PPFIA3: variants seen among roughly 807,000 people sequenced by gnomAD.
The protein encoded by PPFIA3 is liprin-alpha-3.
PPFIA3 carries 26 observed loss-of-function variants against 145.8 expected under a neutral mutation model. That is an observed-to-expected ratio of 0.18 (90% CI 0.13 to 0.25). PPFIA3 has a LOEUF of 0.25. Among genes scored for constraint, PPFIA3 ranks in the 10% least tolerant of loss-of-function variants. PPFIA3 has a pLI of 1.00. For missense variants in PPFIA3, 1,008 were observed against 1,587.8 expected (o/e 0.63, Z 6.21); for synonymous variants, 645 against 661.4 (o/e 0.98, Z 0.38).
intron 16 of PPFIA3, 49 bp downstream of exon 16, chr19:49,138,476 C>A: frequency 7.0e-7 from 1 of 1,426,070 alleles, no homozygotes; most frequent in Non-Finnish European, 9.3e-7. Context: ...GGGGAGAGGT[C>A]AGAGGCAGGG....
chr19:49,147,529 A>T (rs1449583285), intron 23 of PPFIA3, among the ~76,000 whole-genome samples: 2 of 152,054 alleles, frequency 1.3e-5, no homozygotes, highest in African/African-American at 4.8e-5. Flanking sequence ...CTACTAAAAA[A>T]TACAAAAATT....
At chr19:49,126,758 G>A (rs995914995) in intron 1 of PPFIA3, among the ~76,000 whole-genome samples, 1 of 151,910 alleles carries the variant, frequency 6.6e-6, no homozygotes, top group African/African-American at 2.4e-5. Flanking sequence ...GCCTTCTTAA[G>A]GCATGGTTCT....
chr19:49,148,573 A>T, intron 24 of PPFIA3, 93 bp from the exon 25 acceptor site: 1 of 1,041,590 alleles, frequency 9.6e-7, no homozygotes, highest in Non-Finnish European at 1.5e-6. Flanking sequence ...CACCCTTTCC[A>T]AGAAGAGCGC....
At chr19:49,141,955 G>GTA in intron 19 of PPFIA3, 79 bp from the exon 20 acceptor site, 1 of 990,616 alleles carries the variant, frequency 1.0e-6, no homozygotes, top group Non-Finnish European at 1.5e-6. Context: ...GTGTGTGTAT[G>GTA]TGTGCTGATG....
rs370040862 is a variant in PPFIA3, at chr19:49,134,922, G to A, written c.1520+7G>A. The stretch of plus-strand genomic sequence containing the variant: ...CACCATCCTCCTACTCCAGGTGACA[G>A]CAGCCCTTCTGCCCTGCCCCCACCA... On this transcript the variant is annotated splice_region_variant and intron_variant, in intron 13 of 29. Transcript: ENST00000334186. The A allele has an allele frequency of 8.4e-6, 13 of 1,555,108 alleles. No homozygotes were observed. The highest frequency in any genetic ancestry group is 1.2e-5 in the South Asian group (1 of 81,180).
Position 49,128,147 on chromosome 19 carries a change from C to A in PPFIA3, c.240+34C>A. ...GGGACAGGGGCGGGGCATGAGGGGG[C>A]GGGGCCTCGGGGGGAAGAAGGCGGT... is the stretch of plus-strand genomic sequence containing the variant. On this transcript the variant is annotated intron_variant, in intron 2 of 29. Transcript: ENST00000334186. The surrounding 1 kb of genome is among the most constrained non-coding windows in gnomAD (Gnocchi z 4.1). 2.8e-6 allele frequency: 1 copy of A among 358,076 alleles called. No homozygotes were observed. Among genetic ancestry groups the A allele is most frequent in the Non-Finnish European group, 4.5e-6 (1 of 221,472 alleles). The allele number at this position is 358,076 out of a possible 1,614,324, so 22.2% of individuals were successfully genotyped here.
intron 25 of PPFIA3, 34 bp downstream of exon 25, chr19:49,148,797 G>C: frequency 6.3e-7 from 1 of 1,589,892 alleles, no homozygotes. Context: ...TTGGGAGCCA[G>C]GTGGAGGGCG....
chr19:49,139,629 C>A (rs760847158), intron 16 of PPFIA3, 39 bp from the exon 17 acceptor site: 1 of 1,529,878 alleles, frequency 6.5e-7, no homozygotes, highest in Admixed American at 2.1e-5. Context: ...CGACATGACT[C>A]TTTGAACTCA....
At position 49,138,294 on chromosome 19, in the gene PPFIA3, G is replaced by A. The variant is rs2041166519; in HGVS notation, c.1943G>A (p.Arg648His). 8 of 1,613,132 alleles carry A rather than the reference G, an allele frequency of 5.0e-6. No individual in the cohort carries two copies. Among genetic ancestry groups the A allele is most frequent in the Non-Finnish European group, 6.8e-6 (8 of 1,179,700 alleles). The stretch of plus-strand genomic sequence containing the variant: ...AGCTCTGGCTTGGACTCGTTGGGCC[G>A]CTACCGCAGCAGCTGCTCCCTGCCC... The part of the protein sequence containing the change: ...VSSSGLDSLG[R>H]YRSSCSLPPS... Residue 648 changes from arginine to histidine, a missense_variant, in exon 16 of 30, where the codon CGC (arginine) becomes CAC (histidine). Around this residue, in one of 11 missense-constraint regions of PPFIA3, gnomAD observed 202 missense variants for 241.8 expected, o/e 0.84. Transcript: ENST00000334186.
At position 49,149,359 on chromosome 19, in the gene PPFIA3, C is replaced by T. The variant is rs56795135; in HGVS notation, c.3354+34C>T. 1.0e-3 allele frequency: 1,627 copies of T among 1,611,834 alleles called. 17 individuals carry two copies. The African/African-American group carries it at 0.019, about 19-fold the overall frequency. On this transcript the variant is annotated intron_variant, in intron 27 of 29. Coordinates refer to ENST00000334186, the MANE Select transcript of PPFIA3 (RefSeq NM_003660.4). The surrounding 1 kb of genome is among the most constrained non-coding windows in gnomAD (Gnocchi z 5.7). ...GGCAACAGCTCAGAGGGCTCTGCTC[C>T]CAGCGGCTCCTCGAGAGGCTGAGCT...
At position 49,137,628 on chromosome 19, in the gene PPFIA3, C is replaced by CAAAAAA. The variant is rs3032695; in HGVS notation, c.1854-552_1854-547dup. Among the ~76,000 whole-genome samples the CAAAAAA allele has an allele frequency of 5.9e-3, 257 of 43,786 alleles. 29 individuals carry two copies. Among genetic ancestry groups the CAAAAAA allele is most frequent in the Non-Finnish European group, 8.3e-3 (200 of 24,154 alleles). The allele number at this position is 43,786 out of a possible 152,430, so 28.7% of individuals were successfully genotyped here. On this transcript the variant is annotated intron_variant, in intron 15 of 29. Transcript: ENST00000334186. ...TGGGCTACAGAGCGAGACTCCGTGT[C>CAAAAAA]AAAAAAAAAAAAAAAAAAAAAAAAA...
At chr19:49,141,927 G>A in intron 19 of PPFIA3, 107 bp from the exon 20 acceptor site, 3 of 683,774 alleles carry the variant, frequency 4.4e-6, no homozygotes, top group Non-Finnish European at 6.8e-6. Flanking sequence ...AGCTGCGTGT[G>A]CGTATGTGCA....
chr19:49,137,832 C>T (rs1306559821), intron 15 of PPFIA3, among the ~76,000 whole-genome samples: 1 of 152,054 alleles, frequency 6.6e-6, no homozygotes, highest in Non-Finnish European at 1.5e-5. Context: ...CCTAGATTGG[C>T]CTGAGTCCCT....
At position 49,134,717 on chromosome 19, in the gene PPFIA3, G is replaced by A. The variant is rs948483722; in HGVS notation, c.1440+16G>A. 6.2e-7 allele frequency: 1 copy of A among 1,613,452 alleles called. No homozygotes were observed. The highest frequency in any genetic ancestry group is 1.3e-5 in the African/African-American group (1 of 74,914). On this transcript the variant is annotated intron_variant, in intron 12 of 29. Transcript: ENST00000334186. ...GCTAAACAAGGTAGGGGGCCCTGAG[G>A]GGACAGGAGGAGGATGTTGGGGCAG... is the stretch of plus-strand genomic sequence containing the variant.
chr19:49,132,463 A>C (rs911559547), intron 7 of PPFIA3, among the ~76,000 whole-genome samples: 25 of 149,046 alleles, frequency 1.7e-4, no homozygotes, highest in Admixed American at 2.0e-4. Context: ...TTAAGCCTGG[A>C]TAGCCGCAGG....
chr19:49,148,042 C>T, intron 23 of PPFIA3, 41 bp from the exon 24 acceptor site: 2 of 1,580,208 alleles, frequency 1.3e-6, no homozygotes, highest in Non-Finnish European at 1.7e-6. Context: ...TGGGAAGGGG[C>T]CAGAGGGCCT....
At position 49,128,051 on chromosome 19, in the gene PPFIA3, C is replaced by A; in HGVS notation, c.178C>A (p.Leu60Met). The A allele has an allele frequency of 6.3e-7, 1 of 1,594,746 alleles. No homozygotes were observed. ...QDGLATAQLR[L>M]RELGHEKDSL... ...CGGGTTGGCTACAGCGCAGCTGCGG[C>A]TGCGCGAGCTCGGCCACGAGAAGGA... is the stretch of plus-strand genomic sequence containing the variant. Residue 60 changes from leucine (L) to methionine (M), a missense_variant, in exon 2 of 30, where the codon CTG becomes ATG. Leu to Met is a conservative substitution (Grantham distance 15). Transcript: ENST00000334186. This position sits in a 1 kb window ranked among gnomAD's most constrained non-coding sequence, Gnocchi z 4.1.
intron 16 of PPFIA3, 72 bp downstream of exon 16, chr19:49,138,499 C>T (rs1316773710): frequency 1.5e-6 from 2 of 1,303,260 alleles, no homozygotes; most frequent in South Asian, 1.7e-5. Flanking sequence ...CCCCAGTGTA[C>T]AGCAACAATA....
Position 49,128,450 on chromosome 19 carries a change from G to C in PPFIA3, c.324G>C (p.Ala108=). 4 of 1,611,274 alleles carry C rather than the reference G, an allele frequency of 2.5e-6. No homozygotes were observed. The highest frequency in any genetic ancestry group is 2.5e-6 in the Non-Finnish European group (3 of 1,179,122). ...EREEEIAELK[A]ERNNTRLLLE... ...AGGAAGAGATTGCAGAGCTGAAGGC[G>C]GAACGGAACAACACGCGGGTGAGGG... Residue 108 remains alanine, a synonymous_variant, in exon 3 of 30, where the codon GCG becomes GCC. Transcript: ENST00000334186. The surrounding 1 kb of genome is among the most constrained non-coding windows in gnomAD (Gnocchi z 4.1).
Sources: gnomAD v4.1 joint callset for allele counts (sites outside exome capture counted in the v4.1 genomes callset) on GRCh38, gnomAD v4.1.1 for gene constraint, gnomAD v4.1.1 regional missense constraint, Gnocchi (gnomAD v3.1) non-coding constraint, MANE v1.5 for transcripts, NCBI Gene and HGNC (gene_info 2026-07-23, HGNC 2026-07-21) for gene names.